The following AP1G1 variants were observed in gnomAD, a reference collection of about 807,000 sequenced individuals.
AP1G1 encodes the protein adaptor related protein complex 1 subunit gamma 1, also known as AP-1 complex subunit gamma-1.
A neutral mutation model predicts 108.3 loss-of-function variants in AP1G1; 7 were observed. The observed-to-expected ratio is 0.06, with a 90% CI of 0.04 to 0.12. AP1G1 has a LOEUF of 0.12. Ranked by LOEUF, AP1G1 falls within the 10% of genes least tolerant of loss-of-function variation. The pLI, the probability that AP1G1 is intolerant of heterozygous loss-of-function variation, is 1.00. For missense variants in AP1G1, 756 were observed against 1,010.7 expected (o/e 0.75, Z 3.42); for synonymous variants, 379 against 353.5 (o/e 1.07, Z -0.81).
At chr16:71,805,022 C>T (rs1256597463) in intron 1 of AP1G1, among the ~76,000 whole-genome samples, 1 of 150,096 alleles carries the variant, frequency 6.7e-6, no homozygotes, top group East Asian at 2.0e-4. Context: ...ATCAATCAAT[C>T]AATAAAAATA....
At chr16:71,775,267 G>C (rs1468138119) in intron 2 of AP1G1, among the ~76,000 whole-genome samples, 1 of 150,614 alleles carries the variant, frequency 6.6e-6, no homozygotes, top group Non-Finnish European at 1.5e-5. Flanking sequence ...CCTGACCACA[G>C]ATGATTCGCC....
At chr16:71,755,934 G>A (rs541565892) in intron 12 of AP1G1, 85 bp downstream of exon 12, 33 of 1,460,472 alleles carry the variant, frequency 2.3e-5, no homozygotes, top group Middle Eastern at 1.8e-4. Context: ...GTGTGCCACC[G>A]CGCCCAGCCC....
intron 2 of AP1G1, among the ~76,000 whole-genome samples, chr16:71,784,076 C>T (rs1291605836): frequency 2.6e-5 from 4 of 152,132 alleles, no homozygotes; most frequent in African/African-American, 9.7e-5. Flanking sequence ...TATTAAGAGA[C>T]TCCTAGACAA....
chr16:71,800,871 T>G (rs975888480), intron 1 of AP1G1, among the ~76,000 whole-genome samples: 4 of 151,392 alleles, frequency 2.6e-5, no homozygotes, highest in African/African-American at 9.7e-5. Context: ...GGCACATGTC[T>G]GTAATCCCAA....
intron 16 of AP1G1, chr16:71,746,942 G>A: frequency 3.2e-6 from 1 of 311,644 alleles, no homozygotes; most frequent in Non-Finnish European, 6.0e-6. Flanking sequence ...CAACAATGAT[G>A]GTGTGGAAAA....
chr16:71,761,611 T>C (rs1185891980), intron 9 of AP1G1, 44 bp from the exon 10 acceptor site: 2 of 1,406,950 alleles, frequency 1.4e-6, no homozygotes, highest in Non-Finnish European at 2.0e-6. Context: ...AAATGGAAGT[T>C]TTATATTGTT....
chr16:71,771,064 T>C, intron 5 of AP1G1, 92 bp downstream of exon 5: 1 of 748,182 alleles, frequency 1.3e-6, no homozygotes, highest in Non-Finnish European at 2.1e-6. Flanking sequence ...GCGACTCCAC[T>C]GTTCTGAGAG....
intron 2 of AP1G1, among the ~76,000 whole-genome samples, chr16:71,786,609 C>T (rs1323141348): frequency 2.6e-5 from 4 of 152,084 alleles, no homozygotes; most frequent in Admixed American, 6.6e-5. Flanking sequence ...TACAGGCACG[C>T]ACCACCATGC....
At chr16:71,804,943 C>T (rs547335230) in intron 1 of AP1G1, among the ~76,000 whole-genome samples, 3 of 152,078 alleles carry the variant, frequency 2.0e-5, no homozygotes, top group Admixed American at 6.6e-5. Context: ...GGGAGGAGGT[C>T]GAGGCTGCAG....
chr16:71,791,169 A>G, intron 1 of AP1G1, among the ~76,000 whole-genome samples: 1 of 151,876 alleles, frequency 6.6e-6, no homozygotes. Context: ...GCAGTGAGCC[A>G]AGATCACACC....
At chr16:71,760,668 C>T (rs922159215) in intron 10 of AP1G1, among the ~76,000 whole-genome samples, 1 of 152,134 alleles carries the variant, frequency 6.6e-6, no homozygotes, top group Non-Finnish European at 1.5e-5. Context: ...CCTCAGCCTC[C>T]TGAGTAGCTG....
chr16:71,751,735 T>G (rs2030518560), intron 13 of AP1G1, among the ~76,000 whole-genome samples: 3 of 152,150 alleles, frequency 2.0e-5, no homozygotes. Flanking sequence ...TTCTTAAACT[T>G]ACACTGAACC....
In AP1G1 at chr16:71,736,601, T is replaced by TA. The variant is rs2045549138; in HGVS notation, c.2269-1895_2269-1894insT. 3.8e-5 allele frequency among the ~76,000 whole-genome samples: 5 copies of TA among 129,968 alleles called. No homozygotes were observed. The East Asian group carries it at 8.7e-4, about 22-fold the overall frequency. The allele number at this position is 129,968 out of a possible 152,430, so 85.3% of individuals were successfully genotyped here. A position where few individuals can be genotyped will look rare whatever the true frequency, so the allele number is the denominator to read the frequency against. ...TTATTTATTTATTTATTTATTTATT[T>TA]TTTGAGACGAGTCTCGCTCTGTTGC... On this transcript the variant is annotated intron_variant, in intron 21 of 22. Coordinates refer to ENST00000299980, the MANE Select transcript of AP1G1 (RefSeq NM_001128.6).
chr16:71,786,894 C>A (rs1251381422), intron 2 of AP1G1, among the ~76,000 whole-genome samples: 3 of 152,054 alleles, frequency 2.0e-5, no homozygotes, highest in Non-Finnish European at 4.4e-5. Context: ...AAAGCCCTGT[C>A]TCTATAAAAA....
chr16:71,743,777 C>G (rs995802364), intron 19 of AP1G1, among the ~76,000 whole-genome samples: 1 of 149,746 alleles, frequency 6.7e-6, no homozygotes, highest in Non-Finnish European at 1.5e-5. Flanking sequence ...GAAACCCTGT[C>G]TCTCCTAAAA....
intron 13 of AP1G1, 21 bp downstream of exon 13, chr16:71,753,812 T>A (rs1195570347): frequency 6.2e-7 from 1 of 1,609,072 alleles, no homozygotes; most frequent in Non-Finnish European, 8.5e-7. Flanking sequence ...TCGTATATGC[T>A]GTCTGAAAGA....
chr16:71,739,368 T>C, intron 19 of AP1G1, 27 bp from the exon 20 acceptor site: 1 of 1,533,870 alleles, frequency 6.5e-7, no homozygotes, highest in Non-Finnish European at 8.8e-7. Context: ...AATGGAAAGT[T>C]AACCTTAGGC....
chr16:71,757,590 C>G (rs1386637959), intron 11 of AP1G1, among the ~76,000 whole-genome samples: 2 of 152,112 alleles, frequency 1.3e-5, no homozygotes, highest in Non-Finnish European at 2.9e-5. Context: ...TCCTGCATAA[C>G]CCTATGAAGT....
At chr16:71,752,064 G>C (rs931093608) in intron 13 of AP1G1, among the ~76,000 whole-genome samples, 1 of 152,120 alleles carries the variant, frequency 6.6e-6, no homozygotes, top group African/African-American at 2.4e-5. Context: ...ACGTATTCCA[G>C]GTATGTAAGG....
Sources: gnomAD v4.1 joint callset for allele counts (sites outside exome capture counted in the v4.1 genomes callset) on GRCh38, gnomAD v4.1.1 for gene constraint, MANE v1.5 for transcripts, NCBI Gene and HGNC (gene_info 2026-07-23, HGNC 2026-07-21) for gene names.